The following PANK1 variants were observed in gnomAD, a reference collection of about 807,000 sequenced individuals.
PANK1 encodes the protein pantothenate kinase 1.
Under a neutral mutation model 40.1 loss-of-function variants are expected in PANK1, and 18 were observed. The ratio of observed to expected loss-of-function variants is 0.45; its 90% CI spans 0.31 to 0.67. PANK1 has a LOEUF of 0.67. Ranked by LOEUF, PANK1 falls within the 30% of genes least tolerant of loss-of-function variation. The probability of loss-of-function intolerance (pLI) is 0.06; values close to 1 mark genes in which losing one functional copy is unlikely to be tolerated. For synonymous variants in PANK1, 242 were observed against 237.7 expected, an observed-to-expected ratio of 1.02 and a Z score of -0.17; for missense variants, 457 against 599.6, an observed-to-expected ratio of 0.76 and a Z score of 2.48.
chr10:89,612,776 G>A (rs11185790), intron 1 of PANK1, among the ~76,000 whole-genome samples: 23,045 of 152,166 alleles, frequency 0.15, 2,207 homozygotes, highest in East Asian at 0.45. Flanking sequence ...TTCTCAATCC[G>A]GCTGCCTTTT....
intron 1 of PANK1, among the ~76,000 whole-genome samples, chr10:89,643,341 T>C (rs1842019112): frequency 1.3e-5 from 2 of 152,036 alleles, no homozygotes; most frequent in Non-Finnish European, 2.9e-5. Flanking sequence ...CAAAAGCAAA[T>C]AAAAATTCAG....
At chr10:89,637,274 A>G (rs111974859) in intron 1 of PANK1, among the ~76,000 whole-genome samples, 22 of 152,170 alleles carry the variant, frequency 1.4e-4, no homozygotes, top group African/African-American at 5.1e-4. Context: ...AGGGCACACT[A>G]GTTCTCTCTT....
At chr10:89,626,976 G>A (rs1845678226) in intron 1 of PANK1, among the ~76,000 whole-genome samples, 1 of 152,188 alleles carries the variant, frequency 6.6e-6, no homozygotes, top group Admixed American at 6.5e-5. Context: ...CAGCATTGCT[G>A]GGTGACATAA....
chr10:89,608,188 C>T (rs757220610), intron 2 of PANK1, among the ~76,000 whole-genome samples: 6 of 152,032 alleles, frequency 3.9e-5, no homozygotes, highest in Admixed American at 6.6e-5. Context: ...CCCGCGACCA[C>T]GCCCGGCTGA....
chr10:89,643,693 TTAC>T (rs1842029028), intron 1 of PANK1: 2 of 1,608,754 alleles, frequency 1.2e-6, no homozygotes, highest in Non-Finnish European at 1.7e-6. Context: ...TTTACTGTAC[TTAC>T]TTTGCTTTTT....
rs1844124135 is a variant in PANK1 at position 89,584,282 on chromosome 10, C to T, written c.*124G>A. The T allele has an allele frequency of 1.5e-6, 1 of 647,876 alleles. No homozygotes were observed. Among genetic ancestry groups the T allele is most frequent in the East Asian group, 2.5e-5 (1 of 39,766 alleles). The allele number at this position is 647,876 out of a possible 1,614,324, so 40.1% of individuals were successfully genotyped here. A position where few individuals can be genotyped will look rare whatever the true frequency, so the allele number is the denominator to read the frequency against. ...ATCTGGAAGGATTTTAAATTATTTACAAATCCAGCAGGTTCATCTGCCATA... is the reference window on the plus strand; with the variant it reads ...ATCTGGAAGGATTTTAAATTATTTATAAATCCAGCAGGTTCATCTGCCATA... On this transcript the variant is annotated 3_prime_UTR_variant, in exon 7 of 7. Transcript: ENST00000307534.
chr10:89,609,573 G>T (rs1845088766), intron 2 of PANK1, among the ~76,000 whole-genome samples: 1 of 152,168 alleles, frequency 6.6e-6, no homozygotes, highest in Non-Finnish European at 1.5e-5. Flanking sequence ...AACATCAAAT[G>T]GGCTATAGGA....
At chr10:89,612,777 G>A (rs769031806) in intron 1 of PANK1, among the ~76,000 whole-genome samples, 30 of 152,164 alleles carry the variant, frequency 2.0e-4, no homozygotes, top group Non-Finnish European at 3.8e-4. Flanking sequence ...TCTCAATCCG[G>A]CTGCCTTTTA....
chr10:89,617,950 C>G (rs1168936157), intron 1 of PANK1, among the ~76,000 whole-genome samples: 4 of 152,198 alleles, frequency 2.6e-5, no homozygotes, highest in African/African-American at 9.6e-5. Flanking sequence ...CTGGAGCCCT[C>G]AACTCTCTAA....
intron 1 of PANK1, among the ~76,000 whole-genome samples, chr10:89,613,577 T>C (rs1325728097): frequency 2.0e-5 from 3 of 152,228 alleles, no homozygotes; most frequent in Admixed American, 6.5e-5. Flanking sequence ...TCTAGCATTA[T>C]AGAAATAAAA....
At chr10:89,620,375 A>G (rs961546504) in intron 1 of PANK1, among the ~76,000 whole-genome samples, 3 of 152,236 alleles carry the variant, frequency 2.0e-5, no homozygotes, top group African/African-American at 7.2e-5. Flanking sequence ...TGGGAAAGGA[A>G]TGCATTCCCA....
chr10:89,588,071 T>C (rs1311757832), intron 6 of PANK1, among the ~76,000 whole-genome samples: 1 of 152,180 alleles, frequency 6.6e-6, no homozygotes, highest in Non-Finnish European at 1.5e-5. Context: ...TGAGGACATG[T>C]AGTATTTGTC....
At chr10:89,643,791 G>T in intron 1 of PANK1, 1 of 1,608,832 alleles carries the variant, frequency 6.2e-7, no homozygotes, top group South Asian at 1.1e-5. Flanking sequence ...CTGTAAACTC[G>T]ACCTACAAAT....
chr10:89,606,218 C>T (rs1844961806), intron 2 of PANK1, among the ~76,000 whole-genome samples: 1 of 152,174 alleles, frequency 6.6e-6, no homozygotes, highest in South Asian at 2.1e-4. Flanking sequence ...AAGTCACCGG[C>T]TGCATTAGCC....
At chr10:89,637,559 T>C (rs960651830) in intron 1 of PANK1, among the ~76,000 whole-genome samples, 10 of 152,166 alleles carry the variant, frequency 6.6e-5, no homozygotes, top group Admixed American at 6.5e-4. Flanking sequence ...ACAGTAAAAG[T>C]ACAGTCTAAA....
chr10:89,628,208 C>G (rs542880753), intron 1 of PANK1, among the ~76,000 whole-genome samples: 25 of 152,246 alleles, frequency 1.6e-4, no homozygotes, highest in African/African-American at 5.3e-4. Flanking sequence ...AAACTCATGT[C>G]CACACAAAAA....
chr10:89,611,153 A>C (rs1047574232), intron 2 of PANK1, among the ~76,000 whole-genome samples: 1 of 152,250 alleles, frequency 6.6e-6, no homozygotes. Flanking sequence ...GTATTCATTA[A>C]TGAAGGAATT....
At chr10:89,605,219 G>A (rs1297446863) in intron 2 of PANK1, among the ~76,000 whole-genome samples, 3 of 152,138 alleles carry the variant, frequency 2.0e-5, no homozygotes, top group African/African-American at 7.2e-5. Context: ...GTTTGCTGAG[G>A]GTTGGGGTGG....
intron 1 of PANK1, among the ~76,000 whole-genome samples, chr10:89,637,248 G>A (rs1417387307): frequency 6.6e-6 from 1 of 151,994 alleles, no homozygotes; most frequent in Non-Finnish European, 1.5e-5. Context: ...CCTGAGAAGT[G>A]AACTCCAAGA....
Sources: gnomAD v4.1 joint callset for allele counts (sites outside exome capture counted in the v4.1 genomes callset) on GRCh38, gnomAD v4.1.1 for gene constraint, MANE v1.5 for transcripts, NCBI Gene and HGNC (gene_info 2026-07-23, HGNC 2026-07-21) for gene names.